The following TFDP2 variants were observed in gnomAD, a reference collection of about 807,000 sequenced individuals.
TFDP2 encodes transcription factor Dp-2.
In TFDP2, 17 loss-of-function variants were observed where a neutral mutation model predicts 59.3. The ratio of observed to expected loss-of-function variants is 0.29; its 90% CI spans 0.20 to 0.43. TFDP2 has a LOEUF of 0.43. Among genes scored for constraint, TFDP2 ranks in the 20% least tolerant of loss-of-function variants. The probability of loss-of-function intolerance (pLI) is 1.00; values close to 1 mark genes in which losing one functional copy is unlikely to be tolerated. For missense variants in TFDP2, 391 were observed against 528.8 expected (o/e 0.74, Z 2.56); for synonymous variants, 180 against 194.7 (o/e 0.92, Z 0.63).
intron 11 of TFDP2, among the ~76,000 whole-genome samples, chr3:141,957,729 T>C (rs1236478379): frequency 6.6e-6 from 1 of 152,194 alleles, no homozygotes; most frequent in African/African-American, 2.4e-5. Flanking sequence ...CCCCATGCTG[T>C]AGGGTTCCAT....
intron 3 of TFDP2, among the ~76,000 whole-genome samples, chr3:142,006,407 G>A (rs1415035615): frequency 3.3e-5 from 5 of 151,654 alleles, no homozygotes; most frequent in African/African-American, 1.2e-4. Flanking sequence ...TTCCTTCTTA[G>A]TTGCCTTCCT....
At chr3:142,116,794 A>AAG (rs2061865760) in intron 1 of TFDP2, among the ~76,000 whole-genome samples, 1 of 148,194 alleles carries the variant, frequency 6.7e-6, no homozygotes, top group Admixed American at 6.7e-5. Flanking sequence ...CTGTATGCAT[A>AAG]TAAGTTACGT....
chr3:141,945,356 CGA>C lies in TFDP2; in HGVS notation c.*7155_*7156del, dbSNP rs1450042007. 1 of 152,250 alleles carries C rather than the reference CGA, an allele frequency of 6.6e-6. No homozygotes were observed. The highest frequency in any genetic ancestry group is 2.4e-5 in the African/African-American group (1 of 41,438). The allele number at this position is 152,250 out of a possible 1,614,324, so 9.4% of individuals were successfully genotyped here. On this transcript the variant is annotated 3_prime_UTR_variant, in exon 13 of 13. Transcript: ENST00000489671. ...GTTGGTCAGGCTGGTTTCGAACTCCCGACCTCAGGTGATCCGCCCGCCTCGGC... is the reference window on the plus strand; with the variant it reads ...GTTGGTCAGGCTGGTTTCGAACTCCCCCTCAGGTGATCCGCCCGCCTCGGC...
intron 1 of TFDP2, among the ~76,000 whole-genome samples, chr3:142,108,762 A>G (rs1400778100): frequency 6.6e-6 from 1 of 151,976 alleles, no homozygotes; most frequent in Non-Finnish European, 1.5e-5. Context: ...GTATATGCCT[A>G]CCTCTCCAGC....
intron 11 of TFDP2, among the ~76,000 whole-genome samples, chr3:141,953,777 C>A (rs1456733979): frequency 1.8e-5 from 2 of 113,170 alleles, no homozygotes; most frequent in African/African-American, 3.4e-5. Flanking sequence ...TGCTATCCCT[C>A]CCCCCTCCCC....
intron 1 of TFDP2, among the ~76,000 whole-genome samples, chr3:142,111,748 G>C (rs2108673847): frequency 1.3e-5 from 2 of 152,146 alleles, no homozygotes; most frequent in African/African-American, 4.8e-5. Context: ...GCCAGACCAT[G>C]CAGGATACTG....
intron 1 of TFDP2, among the ~76,000 whole-genome samples, chr3:142,124,592 T>A (rs2062167811): frequency 6.6e-6 from 1 of 152,106 alleles, no homozygotes; most frequent in African/African-American, 2.4e-5. Context: ...TTCAACGTAA[T>A]TTTTTTGGTA....
chr3:142,095,875 G>C (rs2061146316), intron 2 of TFDP2, among the ~76,000 whole-genome samples: 2 of 152,102 alleles, frequency 1.3e-5, no homozygotes, highest in African/African-American at 4.8e-5. Flanking sequence ...TTCCATGCTT[G>C]ATACAATATA....
intron 7 of TFDP2, 66 bp downstream of exon 7, chr3:141,978,454 A>C (rs1373682171): frequency 6.7e-7 from 1 of 1,481,886 alleles, no homozygotes; most frequent in Non-Finnish European, 9.1e-7. Context: ...TCAAATCTAT[A>C]ACAAAGATAA....
rs1935891410 is a variant in TFDP2 at position 141,951,080 on chromosome 3, G to C, written c.*1433C>G. The C allele has an allele frequency of 6.6e-6, 1 of 152,058 alleles. No homozygotes were observed. Among genetic ancestry groups the C allele is most frequent in the Non-Finnish European group, 1.5e-5 (1 of 68,022 alleles). 9.4% of individuals were successfully genotyped at this position (152,058 alleles called of 1,614,324 possible). The stretch of plus-strand genomic sequence containing the variant: ...GGAAGGAGCCTGCACTTCCCCCATG[G>C]GATTTAAAAAAGAACCAATTTGGGC... On this transcript the variant is annotated 3_prime_UTR_variant, in exon 13 of 13. Transcript: ENST00000489671.
intron 1 of TFDP2, among the ~76,000 whole-genome samples, chr3:142,108,416 G>C (rs1164791630): frequency 6.6e-6 from 1 of 152,000 alleles, no homozygotes; most frequent in Non-Finnish European, 1.5e-5. Flanking sequence ...CACCATGTTG[G>C]CCAGGCTGGT....
At chr3:142,002,486 T>C (rs75712854) in intron 4 of TFDP2, among the ~76,000 whole-genome samples, 7,423 of 152,122 alleles carry the variant, frequency 0.049, 197 homozygotes, top group South Asian at 0.069. Flanking sequence ...AAGGATGGCT[T>C]TTCCTCCAGT....
intron 1 of TFDP2, among the ~76,000 whole-genome samples, chr3:142,112,206 GT>G (rs1403718916): frequency 6.6e-6 from 1 of 152,158 alleles, no homozygotes; most frequent in Non-Finnish European, 1.5e-5. Flanking sequence ...TTAAAAACCA[GT>G]AATATTAGCC....
chr3:141,971,199 C>T (rs1939675522), intron 8 of TFDP2, among the ~76,000 whole-genome samples: 1 of 151,880 alleles, frequency 6.6e-6, no homozygotes, highest in South Asian at 2.1e-4. Context: ...TCCTCACTGT[C>T]TCCTTGGGCA....
chr3:142,030,742 T>TC lies in TFDP2; in HGVS notation c.83-25199_83-25198insG, dbSNP rs386398108. Among the ~76,000 whole-genome samples, 8 of 8,496 alleles carry TC rather than the reference T, an allele frequency of 9.4e-4. No homozygotes were observed. The South Asian group carries it at 0.014, about 14-fold the overall frequency. 5.6% of individuals were successfully genotyped at this position (8,496 alleles called of 152,430 possible). ...TACTCAAGTATATTCCCGTGTTCTC[T>TC]TTTTTTTTTTTTTTTTTTGAGACGG... is the stretch of plus-strand genomic sequence containing the variant. On this transcript the variant is annotated intron_variant, in intron 3 of 12. Transcript: ENST00000489671.
chr3:142,036,399 T>C (rs1946695367), intron 3 of TFDP2, among the ~76,000 whole-genome samples: 1 of 152,250 alleles, frequency 6.6e-6, no homozygotes, highest in African/African-American at 2.4e-5. Flanking sequence ...CACAACTATC[T>C]GAATAAACCT....
intron 1 of TFDP2, among the ~76,000 whole-genome samples, chr3:142,142,108 A>T (rs1460700292): frequency 2.0e-5 from 3 of 152,212 alleles, no homozygotes; most frequent in African/African-American, 4.8e-5. Context: ...GAGCAATCAG[A>T]CAACAGAAAG....
At position 142,044,731 on chromosome 3, in the gene TFDP2, T is replaced by G. The variant is rs115037843; in HGVS notation, c.83-39187A>C. Among the ~76,000 whole-genome samples, 165 of 152,356 alleles carry G rather than the reference T, an allele frequency of 1.1e-3. 1 individual carries two copies. Among genetic ancestry groups the G allele is most frequent in the African/African-American group, 3.8e-3 (159 of 41,584 alleles). On this transcript the variant is annotated intron_variant, in intron 3 of 12. Transcript: ENST00000489671. ...GTACAAAGGATGATCCAAGATCCTG[T>G]GAAATCATCCTTATTTCTTCTCTCT...
chr3:142,126,718 G>A (rs1477159145), intron 1 of TFDP2, among the ~76,000 whole-genome samples: 2 of 151,746 alleles, frequency 1.3e-5, no homozygotes, highest in Admixed American at 6.6e-5. Flanking sequence ...AGGCTGAGGC[G>A]GGCAGATCAT....
Sources: gnomAD v4.1 joint callset for allele counts (sites outside exome capture counted in the v4.1 genomes callset) on GRCh38, gnomAD v4.1.1 for gene constraint, MANE v1.5 for transcripts, NCBI Gene and HGNC (gene_info 2026-07-23, HGNC 2026-07-21) for gene names.